Variants in DAPK1 observed in about 807,000 individuals in gnomAD.
DAPK1 encodes the protein death associated protein kinase 1.
In DAPK1, 56 loss-of-function variants were observed where a neutral mutation model predicts 144.9. The ratio of observed to expected loss-of-function variants is 0.39; its 90% CI spans 0.31 to 0.48. DAPK1 has a LOEUF of 0.48. Ranked by LOEUF, DAPK1 falls within the 20% of genes least tolerant of loss-of-function variation. The pLI, the probability that DAPK1 is intolerant of heterozygous loss-of-function variation, is 0.95. For missense variants in DAPK1, 1,454 were observed against 1,875.4 expected, an observed-to-expected ratio of 0.78 and a Z score of 4.15; for synonymous variants, 690 against 749.0, an observed-to-expected ratio of 0.92 and a Z score of 1.29.
At chr9:87,693,261 TA>T (rs949487247) in intron 21 of DAPK1, among the ~76,000 whole-genome samples, 39 of 152,030 alleles carry the variant, frequency 2.6e-4, no homozygotes, top group African/African-American at 8.7e-4. Context: ...GAGTTTTGTT[TA>T]TTTTTTTATT....
intron 18 of DAPK1, among the ~76,000 whole-genome samples, chr9:87,664,430 G>A (rs763349882): frequency 7.2e-5 from 11 of 152,166 alleles, no homozygotes; most frequent in East Asian, 1.9e-4. Context: ...TGGAATGCCC[G>A]CTACGGGCAT....
chr9:87,538,047 T>G (rs1261692279), intron 2 of DAPK1, among the ~76,000 whole-genome samples: 1 of 152,200 alleles, frequency 6.6e-6, no homozygotes, highest in African/African-American at 2.4e-5. Context: ...CATTTTTACT[T>G]TAAGGTCAAA....
At chr9:87,599,829 T>A (rs1828448261) in intron 2 of DAPK1, among the ~76,000 whole-genome samples, 1 of 152,264 alleles carries the variant, frequency 6.6e-6, no homozygotes, top group African/African-American at 2.4e-5. Flanking sequence ...GTTACCTTCT[T>A]GTGAGTCTCT....
At chr9:87,560,323 A>G (rs1007342448) in intron 2 of DAPK1, among the ~76,000 whole-genome samples, 1 of 152,164 alleles carries the variant, frequency 6.6e-6, no homozygotes, top group African/African-American at 2.4e-5. Context: ...AATTTATTTG[A>G]AAGTTTATTT....
rs899632905 is a variant in DAPK1 at position 87,707,499 on chromosome 9, G to A, written c.*135G>A. 1.1e-5 allele frequency: 7 copies of A among 628,630 alleles called. No individual in the cohort carries two copies. Among genetic ancestry groups the A allele is most frequent in the African/African-American group, 9.2e-5 (5 of 54,298 alleles). The allele number at this position is 628,630 out of a possible 1,614,324, so 38.9% of individuals were successfully genotyped here. A position where few individuals can be genotyped will look rare whatever the true frequency, so the allele number is the denominator to read the frequency against. ...CCAGGGGGATGCCACTCCTCCCTCC[G>A]GCTTGACCTGTTTCTCTGCCGCTAC... is the stretch of plus-strand genomic sequence containing the variant. On this transcript the variant is annotated 3_prime_UTR_variant, in exon 26 of 26. Coordinates refer to ENST00000408954, the MANE Select transcript of DAPK1 (RefSeq NM_004938.4). This position sits in a 1 kb window ranked among gnomAD's most constrained non-coding sequence, Gnocchi z 4.0.
intron 2 of DAPK1, among the ~76,000 whole-genome samples, chr9:87,585,920 A>T (rs1399136821): frequency 2.0e-5 from 3 of 152,350 alleles, no homozygotes; most frequent in Non-Finnish European, 4.4e-5. Flanking sequence ...AACATTCAAT[A>T]TATTGGGATA....
intron 14 of DAPK1, among the ~76,000 whole-genome samples, chr9:87,647,755 CTCT>C (rs1350674563): frequency 5.3e-5 from 8 of 152,220 alleles, no homozygotes; most frequent in Non-Finnish European, 7.3e-5. Context: ...CTCTCCTATT[CTCT>C]TCTTCTTTGA....
At chr9:87,550,319 C>T (rs982108479) in intron 2 of DAPK1, among the ~76,000 whole-genome samples, 1 of 152,234 alleles carries the variant, frequency 6.6e-6, no homozygotes, top group East Asian at 1.9e-4. Context: ...TGTTGCCAGC[C>T]ACATTAGTGT....
intron 2 of DAPK1, among the ~76,000 whole-genome samples, chr9:87,501,178 A>G (rs1824375162): frequency 6.6e-6 from 1 of 152,218 alleles, no homozygotes; most frequent in Non-Finnish European, 1.5e-5. Flanking sequence ...GCACAAATGC[A>G]AGGTCATTCT....
rs552154559 is a variant in DAPK1, at chr9:87,609,348, G to A, written c.284+4173G>A. ...TATGATGCGTAGGATGCATATGCACGGTATGATGCGTGTTTCTCTGGAGAA... is the reference window on the plus strand; with the variant it reads ...TATGATGCGTAGGATGCATATGCACAGTATGATGCGTGTTTCTCTGGAGAA... On this transcript the variant is annotated intron_variant, in intron 3 of 25. Coordinates refer to ENST00000408954, the MANE Select transcript of DAPK1 (RefSeq NM_004938.4). 1.2e-4 allele frequency among the ~76,000 whole-genome samples: 19 copies of A among 152,260 alleles called. No homozygotes were observed. The East Asian group carries it at 2.3e-3, about 19-fold the overall frequency.
intron 2 of DAPK1, among the ~76,000 whole-genome samples, chr9:87,508,533 A>G (rs1022165846): frequency 1.3e-5 from 2 of 151,620 alleles, no homozygotes; most frequent in South Asian, 2.1e-4. Context: ...TAGTAGAGTC[A>G]GGGTTTCACC....
chr9:87,587,239 A>T (rs1196843343), intron 2 of DAPK1, among the ~76,000 whole-genome samples: 1 of 152,236 alleles, frequency 6.6e-6, no homozygotes, highest in Non-Finnish European at 1.5e-5. Context: ...AGCATTTTAC[A>T]TCGACGTTAA....
intron 2 of DAPK1, among the ~76,000 whole-genome samples, chr9:87,523,528 G>T (rs1363218955): frequency 2.0e-5 from 3 of 152,106 alleles, no homozygotes; most frequent in Non-Finnish European, 1.5e-5. Context: ...TCAAACTCTT[G>T]GGCTCCAGCG....
At chr9:87,544,944 G>C (rs1220233474) in intron 2 of DAPK1, among the ~76,000 whole-genome samples, 11 of 152,106 alleles carry the variant, frequency 7.2e-5, no homozygotes, top group Non-Finnish European at 1.2e-4. Flanking sequence ...TTGCAGCCCA[G>C]TCCCCACCCT....
intron 2 of DAPK1, among the ~76,000 whole-genome samples, chr9:87,566,926 A>T (rs1309064182): frequency 1.3e-5 from 2 of 152,204 alleles, no homozygotes; most frequent in African/African-American, 2.4e-5. Context: ...CACTATGGAA[A>T]GAGCATGAAC....
Position 87,703,121 on chromosome 9 carries a change from G to A in DAPK1, c.2964G>A (p.Leu988=). The change falls in exon 25 of 26, where the codon CTG becomes CTA. Residue 988 remains leucine, a synonymous_variant. Coordinates refer to ENST00000408954, the MANE Select transcript of DAPK1 (RefSeq NM_004938.4). ...KLNGPNQLMS[L]QQFVYDVQDQ... Reference sequence around the variant, plus strand: ...ATGGACCCAACCAGCTGATGTCGCTGCAGCAGTTTGTGTACGACGTGCAGG... The same window carrying A: ...ATGGACCCAACCAGCTGATGTCGCTACAGCAGTTTGTGTACGACGTGCAGG... 6.2e-7 allele frequency: 1 copy of A among 1,604,676 alleles called. No homozygotes were observed. Among genetic ancestry groups the A allele is most frequent in the Admixed American group, 1.7e-5 (1 of 60,026 alleles).
chr9:87,541,046 G>C (rs1479813208), intron 2 of DAPK1, among the ~76,000 whole-genome samples: 3 of 152,172 alleles, frequency 2.0e-5, no homozygotes, highest in Admixed American at 6.5e-5. Flanking sequence ...AAATACTTCA[G>C]ATTCCTCAAA....
At chr9:87,522,771 C>T (rs575754781) in intron 2 of DAPK1, among the ~76,000 whole-genome samples, 1 of 152,320 alleles carries the variant, frequency 6.6e-6, no homozygotes, top group South Asian at 2.1e-4. Flanking sequence ...AGCTGGCTGG[C>T]TTCTTTCGCT....
chr9:87,642,711 G>A (rs1279190918), intron 10 of DAPK1, among the ~76,000 whole-genome samples: 3 of 152,112 alleles, frequency 2.0e-5, no homozygotes, highest in Non-Finnish European at 4.4e-5. Flanking sequence ...AATGTACCTC[G>A]TTTTCACACC....
Sources: gnomAD v4.1 joint callset for allele counts (sites outside exome capture counted in the v4.1 genomes callset) on GRCh38, gnomAD v4.1.1 for gene constraint, Gnocchi (gnomAD v3.1) non-coding constraint, MANE v1.5 for transcripts, NCBI Gene and HGNC (gene_info 2026-07-23, HGNC 2026-07-21) for gene names.